OSBPL10: variants seen among roughly 807,000 people sequenced by gnomAD.
The protein encoded by OSBPL10 is oxysterol-binding protein-related protein 10.
Under a neutral mutation model 81.7 loss-of-function variants are expected in OSBPL10, and 49 were observed. The observed-to-expected ratio is 0.60, with a 90% CI of 0.48 to 0.76. OSBPL10 has a LOEUF of 0.76. Among genes scored for constraint, OSBPL10 ranks in the 30% least tolerant of loss-of-function variants. The pLI is 0.00. For missense variants in OSBPL10, 923 were observed against 987.8 expected (o/e 0.93, Z 0.88); for synonymous variants, 419 against 383.6 (o/e 1.09, Z -1.08).
At chr3:31,792,858 CTCTGTGTGTGTGTGTGTGTGTGTGTG>C (rs1440422994) in intron 4 of OSBPL10, among the ~76,000 whole-genome samples, 1 of 85,952 alleles carries the variant, frequency 1.2e-5, no homozygotes, top group African/African-American at 4.1e-5. Flanking sequence ...TATCTAGGCA[CTCTGTGTGTGTGTGTGTGTGTGTGTG>C]TGTGTGTGTG....
At chr3:31,813,495 G>GT (rs1449363414) in intron 4 of OSBPL10, among the ~76,000 whole-genome samples, 1 of 152,222 alleles carries the variant, frequency 6.6e-6, no homozygotes, top group East Asian at 1.9e-4. Flanking sequence ...AAGTGTTCAT[G>GT]TAAGTTAAGG....
chr3:31,889,126 C>T (rs1372732866), intron 1 of OSBPL10, among the ~76,000 whole-genome samples: 1 of 152,016 alleles, frequency 6.6e-6, no homozygotes, highest in Non-Finnish European at 1.5e-5. Context: ...GCTCGCATGG[C>T]TATTATCAAA....
At chr3:32,013,721 GAGA>G (rs1699283539) in intron 2 of OSBPL10, among the ~76,000 whole-genome samples, 1 of 152,112 alleles carries the variant, frequency 6.6e-6, no homozygotes, top group Non-Finnish European at 1.5e-5. Flanking sequence ...GAAGAAAAGA[GAGA>G]AGAATGAAAT....
At chr3:32,056,002 A>G (rs1289355204) in intron 1 of OSBPL10, among the ~76,000 whole-genome samples, 1 of 152,248 alleles carries the variant, frequency 6.6e-6, no homozygotes, top group African/African-American at 2.4e-5. Flanking sequence ...CCAATTAAAA[A>G]GAGCCTATGT....
At chr3:31,697,467 CAATAA>C (rs1212238305) in intron 7 of OSBPL10, among the ~76,000 whole-genome samples, 8 of 151,974 alleles carry the variant, frequency 5.3e-5, no homozygotes, top group Admixed American at 1.3e-4. Flanking sequence ...AATAATAAAA[CAATAA>C]AACAAATGGC....
At chr3:31,756,354 C>T (rs1047204334) in intron 4 of OSBPL10, among the ~76,000 whole-genome samples, 1 of 152,120 alleles carries the variant, frequency 6.6e-6, no homozygotes, top group Non-Finnish European at 1.5e-5. Context: ...CCATTCTCAC[C>T]ATCTGGAAAC....
intron 1 of OSBPL10, among the ~76,000 whole-genome samples, chr3:31,956,998 G>C (rs185382645): frequency 9.9e-5 from 15 of 152,202 alleles, no homozygotes; most frequent in Admixed American, 3.9e-4. Flanking sequence ...ATCTGGATGT[G>C]GTGGTACACA....
chr3:31,865,109 C>T (rs1701145052), intron 3 of OSBPL10, among the ~76,000 whole-genome samples: 1 of 152,064 alleles, frequency 6.6e-6, no homozygotes, highest in African/African-American at 2.4e-5. Context: ...TGAGGGAGCC[C>T]CATTAAACCT....
chr3:31,739,102 G>A (rs931506444), intron 5 of OSBPL10, among the ~76,000 whole-genome samples: 2 of 152,100 alleles, frequency 1.3e-5, no homozygotes, highest in African/African-American at 4.8e-5. Context: ...GCCCAGGCTG[G>A]AGTATAGTGC....
intron 2 of OSBPL10, among the ~76,000 whole-genome samples, chr3:31,993,681 T>TACAC (rs139678560): frequency 0.21 from 31,543 of 147,182 alleles, 4,520 homozygotes; most frequent in African/African-American, 0.42. Flanking sequence ...TACACACACA[T>TACAC]ACACACACAC....
At chr3:31,856,117 C>T (rs1380008739) in intron 3 of OSBPL10, among the ~76,000 whole-genome samples, 1 of 136,412 alleles carries the variant, frequency 7.3e-6, no homozygotes, top group African/African-American at 2.7e-5. Context: ...CACACACACA[C>T]GTTTTAATCT....
chr3:31,727,263 A>G (rs1174154347), intron 6 of OSBPL10, among the ~76,000 whole-genome samples: 1 of 152,164 alleles, frequency 6.6e-6, no homozygotes, highest in African/African-American at 2.4e-5. Flanking sequence ...GGAAGTCCAC[A>G]TATCAATTTT....
At chr3:31,784,145 C>T (rs1213012292) in intron 4 of OSBPL10, among the ~76,000 whole-genome samples, 1 of 151,554 alleles carries the variant, frequency 6.6e-6, no homozygotes, top group Non-Finnish European at 1.5e-5. Flanking sequence ...TCAAGACCAG[C>T]CTGGCCAACA....
chr3:32,012,820 C>A (rs1699273934), intron 2 of OSBPL10, among the ~76,000 whole-genome samples: 1 of 152,048 alleles, frequency 6.6e-6, no homozygotes, highest in African/African-American at 2.4e-5. Flanking sequence ...AGACTTTAAA[C>A]CAACAAAGAT....
chr3:31,754,922 G>A (rs538108574), intron 4 of OSBPL10, among the ~76,000 whole-genome samples: 2 of 152,074 alleles, frequency 1.3e-5, no homozygotes, highest in African/African-American at 4.8e-5. Flanking sequence ...AGGGGACTCT[G>A]GGTCCCATTT....
intron 4 of OSBPL10, among the ~76,000 whole-genome samples, chr3:31,797,171 C>T (rs965179432): frequency 3.3e-5 from 5 of 151,490 alleles, no homozygotes; most frequent in African/African-American, 9.7e-5. Context: ...ATTTTTGTAT[C>T]TTTAGTAGAG....
At chr3:31,986,248 C>A (rs542419355), upstream of OSBPL10, 2 of 152,280 alleles carry the variant, frequency 1.3e-5, no homozygotes, top group African/African-American at 4.8e-5. Context: ...ATAAATGAAG[C>A]CTAATTTTAC....
At chr3:31,945,610 G>A (rs895978225) in intron 1 of OSBPL10, among the ~76,000 whole-genome samples, 1 of 152,128 alleles carries the variant, frequency 6.6e-6, no homozygotes, top group African/African-American at 2.4e-5. Flanking sequence ...TCACTACACG[G>A]CAACCATAGG....
chr3:31,980,694 G>A lies in OSBPL10; in HGVS notation c.281+205C>T, dbSNP rs1041996430. 1.1e-4 allele frequency among the ~76,000 whole-genome samples: 16 copies of A among 152,320 alleles called. No individual in the cohort carries two copies. The East Asian group carries it at 2.7e-3, about 26-fold the overall frequency. On this transcript the variant is annotated intron_variant, in intron 1 of 11. Coordinates refer to ENST00000396556, the MANE Select transcript of OSBPL10 (RefSeq NM_017784.5). ...CCCGCCACTGCGGTGCGGTCCCGGGGTGGAGCCACGGCGCGCCCCATCCTG... is the reference window on the plus strand; with the variant it reads ...CCCGCCACTGCGGTGCGGTCCCGGGATGGAGCCACGGCGCGCCCCATCCTG...
Sources: gnomAD v4.1 joint callset for allele counts (sites outside exome capture counted in the v4.1 genomes callset) on GRCh38, gnomAD v4.1.1 for gene constraint, MANE v1.5 for transcripts, NCBI Gene and HGNC (gene_info 2026-07-23, HGNC 2026-07-21) for gene names.